Variants in RFX4 observed in about 807,000 individuals in gnomAD.
The protein encoded by RFX4 is regulatory factor X4, also known as transcription factor RFX4.
Under a neutral mutation model 95.0 loss-of-function variants are expected in RFX4, and 10 were observed. The ratio of observed to expected loss-of-function variants is 0.11; its 90% CI spans 0.06 to 0.18. The LOEUF (loss-of-function observed/expected upper bound fraction) is 0.18, where lower values mean the gene tolerates loss of function less well. Ranked by LOEUF, RFX4 falls within the 10% of genes least tolerant of loss-of-function variation. The pLI, the probability that RFX4 is intolerant of heterozygous loss-of-function variation, is 1.00. For synonymous variants in RFX4, 321 were observed against 340.7 expected (o/e 0.94, Z 0.64); for missense variants, 640 against 922.0 (o/e 0.69, Z 3.96).
chr12:106,671,819 G>A (rs1031644037), intron 4 of RFX4, among the ~76,000 whole-genome samples: 4 of 151,930 alleles, frequency 2.6e-5, no homozygotes, highest in Non-Finnish European at 4.4e-5. Context: ...ACGCCACCAC[G>A]CCTGACTAGT....
At chr12:106,754,856 A>G (rs1209804030) in intron 17 of RFX4, among the ~76,000 whole-genome samples, 1 of 152,108 alleles carries the variant, frequency 6.6e-6, no homozygotes, top group South Asian at 2.1e-4. Flanking sequence ...CAATATACAC[A>G]CACTCCACAC....
intron 11 of RFX4, among the ~76,000 whole-genome samples, chr12:106,718,569 C>T (rs1219680174): frequency 6.6e-6 from 1 of 152,148 alleles, no homozygotes; most frequent in Non-Finnish European, 1.5e-5. Flanking sequence ...GTGTTATGAC[C>T]CTCTGGTCTC....
At chr12:106,706,120 T>C (rs118181157) in intron 8 of RFX4, among the ~76,000 whole-genome samples, 2,096 of 152,134 alleles carry the variant, frequency 0.014, 29 homozygotes, top group East Asian at 0.024. Context: ...GCTAAGCAGG[T>C]GAAGAGGGAA....
intron 13 of RFX4, among the ~76,000 whole-genome samples, chr12:106,721,200 C>G (rs2042390459): frequency 6.6e-6 from 1 of 152,158 alleles, no homozygotes; most frequent in African/African-American, 2.4e-5. Context: ...TTCATAGAAT[C>G]CCGTATTTGT....
chr12:106,739,809 C>T (rs1212262740), intron 15 of RFX4, among the ~76,000 whole-genome samples: 2 of 152,262 alleles, frequency 1.3e-5, no homozygotes, highest in African/African-American at 2.4e-5. Context: ...AGGCTTGCTA[C>T]GCTCCCTCAT....
chr12:106,737,794 T>C (rs542488565), intron 15 of RFX4, among the ~76,000 whole-genome samples: 1 of 152,312 alleles, frequency 6.6e-6, no homozygotes, highest in African/African-American at 2.4e-5. Flanking sequence ...TCACTTTGGG[T>C]ACACAGCTAG....
chr12:106,629,872 G>C (rs1172093693), intron 2 of RFX4, among the ~76,000 whole-genome samples: 1 of 152,190 alleles, frequency 6.6e-6, no homozygotes, highest in East Asian at 1.9e-4. Context: ...GTGAGCCACT[G>C]TCTGGCCAGG....
At chr12:106,704,567 C>T (rs2042048594) in intron 8 of RFX4, among the ~76,000 whole-genome samples, 1 of 152,168 alleles carries the variant, frequency 6.6e-6, no homozygotes, top group Non-Finnish European at 1.5e-5. Context: ...TGGGCAGGCC[C>T]AGGCTGAGGC....
chr12:106,722,498 T>C (rs769520123), intron 13 of RFX4, among the ~76,000 whole-genome samples: 7 of 152,246 alleles, frequency 4.6e-5, no homozygotes, highest in Admixed American at 4.6e-4. Context: ...TTAGGCTTTA[T>C]GAATGGGTTG....
chr12:106,757,536 A>G (rs1315259588), intron 17 of RFX4, among the ~76,000 whole-genome samples: 1 of 150,586 alleles, frequency 6.6e-6, no homozygotes, highest in Non-Finnish European at 1.5e-5. Context: ...TGACAGGGCA[A>G]GACCCTGTCT....
At chr12:106,686,747 C>A in intron 5 of RFX4, 137 bp from the exon 6 acceptor site, 1 of 709,854 alleles carries the variant, frequency 1.4e-6, no homozygotes, top group Non-Finnish European at 2.4e-6. Context: ...ACTCTTCTAT[C>A]CCCAGGTAGG....
In RFX4 at chr12:106,733,036, T is replaced by C; in HGVS notation, c.1584T>C (p.Ser528=). The C allele has an allele frequency of 1.2e-6, 2 of 1,614,180 alleles. No individual in the cohort carries two copies. The highest frequency in any genetic ancestry group is 1.7e-6 in the Non-Finnish European group (2 of 1,180,014). Residue 528 remains serine (S), a synonymous_variant, in exon 15 of 18, where the codon TCT becomes TCC. Coordinates refer to ENST00000392842, the MANE Select transcript of RFX4 (RefSeq NM_213594.3). Reference sequence around the variant, plus strand: ...CATCTGTGGAAGTGCCACCTCCCTCTTCCCCTGTTAGCAATCCTTCCCCTG... The same window carrying C: ...CATCTGTGGAAGTGCCACCTCCCTCCTCCCCTGTTAGCAATCCTTCCCCTG... The part of the protein sequence containing the change: ...SATSVEVPPP[S]SPVSNPSPEY...
intron 11 of RFX4, among the ~76,000 whole-genome samples, chr12:106,717,000 C>CAAAAAAAAAA: frequency 1.7e-5 from 1 of 60,492 alleles, no homozygotes; most frequent in Middle Eastern, 0.017. Flanking sequence ...GCACAGGAGA[C>CAAAAAAAAAA]AAAAAAAAAA....
intron 1 of RFX4, among the ~76,000 whole-genome samples, chr12:106,607,348 A>G (rs985990209): frequency 6.6e-6 from 1 of 152,222 alleles, no homozygotes; most frequent in Non-Finnish European, 1.5e-5. Flanking sequence ...CACGTGTTAA[A>G]TGGTTTAGAA....
At chr12:106,730,654 T>C (rs996460945) in intron 13 of RFX4, among the ~76,000 whole-genome samples, 1 of 152,144 alleles carries the variant, frequency 6.6e-6, no homozygotes, top group Non-Finnish European at 1.5e-5. Context: ...GTGATGGTAA[T>C]GATCCATGAT....
intron 2 of RFX4, among the ~76,000 whole-genome samples, chr12:106,615,061 A>G (rs978480390): frequency 5.3e-5 from 8 of 152,140 alleles, no homozygotes; most frequent in Non-Finnish European, 1.2e-4. Context: ...ATTTTTGCTT[A>G]CCTGAAGTTC....
At chr12:106,588,546 C>A (rs1565941289) in intron 1 of RFX4, among the ~76,000 whole-genome samples, 1 of 152,230 alleles carries the variant, frequency 6.6e-6, no homozygotes, top group East Asian at 1.9e-4. Context: ...CTCCTGATGA[C>A]AATCTGGGCA....
At chr12:106,624,821 CTG>C (rs2040258609) in intron 2 of RFX4, among the ~76,000 whole-genome samples, 1 of 152,040 alleles carries the variant, frequency 6.6e-6, no homozygotes, top group South Asian at 2.1e-4. Context: ...TTGGATAAAA[CTG>C]GGGTTTGATT....
chr12:106,747,622 T>C, intron 16 of RFX4, 23 bp downstream of exon 16: 1 of 1,608,140 alleles, frequency 6.2e-7, no homozygotes, highest in Non-Finnish European at 8.5e-7. Flanking sequence ...CCAGGGATGC[T>C]GCTGGACTTT....
Sources: gnomAD v4.1 joint callset for allele counts (sites outside exome capture counted in the v4.1 genomes callset) on GRCh38, gnomAD v4.1.1 for gene constraint, MANE v1.5 for transcripts, NCBI Gene and HGNC (gene_info 2026-07-23, HGNC 2026-07-21) for gene names.